Variants in SHISA9 observed in about 807,000 individuals in gnomAD.
The protein encoded by SHISA9 is shisa family member 9, also known as protein shisa-9.
Under a neutral mutation model 38.0 loss-of-function variants are expected in SHISA9, and 13 were observed. The observed-to-expected ratio is 0.34, with a 90% CI of 0.22 to 0.54. SHISA9 has a LOEUF of 0.54. Among genes scored for constraint, SHISA9 ranks in the 20% least tolerant of loss-of-function variants. The pLI, the probability that SHISA9 is intolerant of heterozygous loss-of-function variation, is 0.91. For missense variants in SHISA9, 538 were observed against 575.8 expected (o/e 0.93, Z 0.67); for synonymous variants, 275 against 242.0 (o/e 1.14, Z -1.27).
chr16:13,153,754 C>A (rs1438252124), intron 2 of SHISA9, among the ~76,000 whole-genome samples: 1 of 152,126 alleles, frequency 6.6e-6, no homozygotes, highest in Non-Finnish European at 1.5e-5. Context: ...TTGATGATCG[C>A]TCATTTTGAT....
the SHISA9 span, among the ~76,000 whole-genome samples, chr16:13,283,901 C>T: frequency 6.6e-6 from 1 of 152,064 alleles, no homozygotes; most frequent in Non-Finnish European, 1.5e-5. Flanking sequence ...ATTTTCAACC[C>T]TAACTTTTGT....
At chr16:12,976,354 G>A (rs1039661719) in intron 2 of SHISA9, among the ~76,000 whole-genome samples, 7 of 152,126 alleles carry the variant, frequency 4.6e-5, no homozygotes, top group Admixed American at 2.0e-4. Flanking sequence ...GCCTCCCAAA[G>A]CGTTGGGATT....
the SHISA9 span, among the ~76,000 whole-genome samples, chr16:13,493,410 A>C: frequency 1.3e-5 from 2 of 152,222 alleles, no homozygotes; most frequent in African/African-American, 4.8e-5. Flanking sequence ...GACTCCAGAC[A>C]AAATTCCCGT....
At chr16:13,181,501 G>T (rs925848098) in intron 2 of SHISA9, among the ~76,000 whole-genome samples, 1 of 151,838 alleles carries the variant, frequency 6.6e-6, no homozygotes, top group African/African-American at 2.4e-5. Flanking sequence ...GAAAGGTAAT[G>T]CCATGTGTCT....
At chr16:13,231,074 C>G (rs1233853872) in intron 4 of SHISA9, among the ~76,000 whole-genome samples, 4 of 152,174 alleles carry the variant, frequency 2.6e-5, no homozygotes, top group African/African-American at 9.7e-5. Context: ...GGGAATGCAG[C>G]CCAGTAGGTG....
chr16:13,518,407 A>G, the SHISA9 span, among the ~76,000 whole-genome samples: 1 of 151,678 alleles, frequency 6.6e-6, no homozygotes, highest in Non-Finnish European at 1.5e-5. Context: ...CATCTTACAA[A>G]TCCCTCTCCT....
intron 2 of SHISA9, among the ~76,000 whole-genome samples, chr16:12,970,382 C>CAT (rs1443214115): frequency 1.1e-4 from 4 of 35,566 alleles, no homozygotes; most frequent in Admixed American, 4.7e-4. Context: ...TATATATATA[C>CAT]ATATATGTAT....
At chr16:13,130,831 T>A (rs2050300245) in intron 2 of SHISA9, among the ~76,000 whole-genome samples, 1 of 152,206 alleles carries the variant, frequency 6.6e-6, no homozygotes, top group Non-Finnish European at 1.5e-5. Context: ...AGACTTTATT[T>A]ACATATGTTT....
In SHISA9 at chr16:13,060,695, A is replaced by T. The variant is rs142067790; in HGVS notation, c.692-142699A>T. 3.3e-5 allele frequency among the ~76,000 whole-genome samples: 5 copies of T among 151,728 alleles called. No individual in the cohort carries two copies. In the East Asian group the frequency reaches 9.7e-4, roughly 29 times the overall value. ...ATACAGGAAATTAAAGGTGGAAGCA[A>T]TGATGTGGGTTCAAACACAGAGAGA... On this transcript the variant is annotated intron_variant, in intron 2 of 4. Coordinates refer to ENST00000558583, the MANE Select transcript of SHISA9 (RefSeq NM_001145204.3).
intron 2 of SHISA9, among the ~76,000 whole-genome samples, chr16:13,113,430 A>T (rs2073999737): frequency 6.6e-6 from 1 of 152,098 alleles, no homozygotes; most frequent in South Asian, 2.1e-4. Context: ...TGTCCATCCT[A>T]CCAAGCCTGG....
At chr16:13,432,453 G>A in the SHISA9 span, among the ~76,000 whole-genome samples, 20 of 152,318 alleles carry the variant, frequency 1.3e-4, no homozygotes, top group South Asian at 3.1e-3. Context: ...TGATTCAAAC[G>A]GAGGGTGATA....
chr16:13,148,822 C>CAA lies in SHISA9; in HGVS notation c.692-54560_692-54559dup, dbSNP rs199698547. On this transcript the variant is annotated intron_variant, in intron 2 of 4. Transcript: ENST00000558583. ...ACACACAATCCTAGCCTAGAATCAC[C>CAA]AAAAAAAAAAAAATTTTAAGTCTAA... 3.9e-3 allele frequency among the ~76,000 whole-genome samples: 544 copies of CAA among 141,280 alleles called. 2 individuals carry two copies. The highest frequency in any genetic ancestry group is 0.031 in the South Asian group (142 of 4,520). 92.7% of individuals were successfully genotyped at this position (141,280 alleles called of 152,430 possible).
chr16:13,192,012 G>A (rs773399154), intron 2 of SHISA9, among the ~76,000 whole-genome samples: 2 of 152,122 alleles, frequency 1.3e-5, no homozygotes, highest in Non-Finnish European at 2.9e-5. Flanking sequence ...AGAAAATGTG[G>A]TATATACACA....
intron 2 of SHISA9, among the ~76,000 whole-genome samples, chr16:12,955,898 T>C (rs2071826672): frequency 6.6e-6 from 1 of 152,002 alleles, no homozygotes; most frequent in Non-Finnish European, 1.5e-5. Flanking sequence ...AAACAAAAAA[T>C]AGAGAAATGA....
intron 2 of SHISA9, among the ~76,000 whole-genome samples, chr16:13,019,750 T>TTTTCTTTTC (rs1207015269): frequency 6.6e-6 from 1 of 150,548 alleles, no homozygotes; most frequent in African/African-American, 2.4e-5. Flanking sequence ...TTCTTCCTTC[T>TTTTCTTTTC]TTTCTTTTCT....
chr16:13,011,977 C>T (rs576150015), intron 2 of SHISA9, among the ~76,000 whole-genome samples: 2 of 152,112 alleles, frequency 1.3e-5, no homozygotes. Context: ...AGGCATGAGC[C>T]GCCACACCCA....
chr16:13,514,056 A>G, the SHISA9 span, among the ~76,000 whole-genome samples: 1 of 152,134 alleles, frequency 6.6e-6, no homozygotes, highest in Non-Finnish European at 1.5e-5. Flanking sequence ...GTGCAGTGGC[A>G]TGATCTCGGC....
chr16:13,153,444 C>T (rs539811252), intron 2 of SHISA9, among the ~76,000 whole-genome samples: 22 of 152,174 alleles, frequency 1.4e-4, no homozygotes, highest in East Asian at 7.7e-4. Context: ...TGAGAAATTC[C>T]GGCTGCATAA....
intron 2 of SHISA9, among the ~76,000 whole-genome samples, chr16:13,059,869 C>A (rs1246000145): frequency 2.6e-5 from 4 of 152,056 alleles, no homozygotes; most frequent in Admixed American, 2.6e-4. Context: ...CATTGACAAG[C>A]CCAGGAGAGA....
Sources: allele counts gnomAD v4.1 joint callset (sites outside exome capture counted in the v4.1 genomes callset), GRCh38; gene constraint gnomAD v4.1.1; transcripts MANE v1.5; gene names NCBI Gene and HGNC (gene_info 2026-07-23, HGNC 2026-07-21).